The following PGAP1 variants were observed in gnomAD, a reference collection of about 807,000 sequenced individuals.
PGAP1 encodes post-GPI attachment to proteins inositol deacylase 1.
Under a neutral mutation model 127.0 loss-of-function variants are expected in PGAP1, and 76 were observed. The ratio of observed to expected loss-of-function variants is 0.60; its 90% CI spans 0.50 to 0.72. PGAP1 has a LOEUF of 0.72. Among genes scored for constraint, PGAP1 ranks in the 30% least tolerant of loss-of-function variants. The pLI is 0.00. For synonymous variants in PGAP1, 362 were observed against 366.5 expected (o/e 0.99, Z 0.14); for missense variants, 982 against 1,071.3 (o/e 0.92, Z 1.16).
Position 196,838,052 on chromosome 2 carries a change from A to G in PGAP1, c.*3182T>C, listed in dbSNP as rs902799283. 2 of 152,222 alleles carry G rather than the reference A, an allele frequency of 1.3e-5. No individual in the cohort carries two copies. Among genetic ancestry groups the G allele is most frequent in the Non-Finnish European group, 2.9e-5 (2 of 68,036 alleles). 9.4% of individuals were successfully genotyped at this position (152,222 alleles called of 1,614,324 possible). ...TTCTGGCATAAAAAAGATCCAGGAA[A>G]AAAAACAGTGTTAGCAATCTCTACC... is the stretch of plus-strand genomic sequence containing the variant. On this transcript the variant is annotated 3_prime_UTR_variant, in exon 27 of 27. Coordinates refer to ENST00000354764, the MANE Select transcript of PGAP1 (RefSeq NM_024989.4).
At chr2:196,854,802 G>A (rs1397733952) in intron 20 of PGAP1, among the ~76,000 whole-genome samples, 1 of 151,998 alleles carries the variant, frequency 6.6e-6, no homozygotes, top group Non-Finnish European at 1.5e-5. Context: ...TTTGAAGACA[G>A]GGTCTCACTC....
Position 196,838,825 on chromosome 2 carries a change from C to G in PGAP1, c.*2409G>C, listed in dbSNP as rs936661047. 9 of 152,218 alleles carry G rather than the reference C, an allele frequency of 5.9e-5. No homozygotes were observed. Among genetic ancestry groups the G allele is most frequent in the African/African-American group, 1.7e-4 (7 of 41,418 alleles). The allele number at this position is 152,218 out of a possible 1,614,324, so 9.4% of individuals were successfully genotyped here. ...TTTGGGGAGGCAGAGGCGGGCAAAT[C>G]ACGAGGTCAAGAGTTTGAGACCAGC... On this transcript the variant is annotated 3_prime_UTR_variant, in exon 27 of 27. Coordinates refer to ENST00000354764, the MANE Select transcript of PGAP1 (RefSeq NM_024989.4).
At chr2:196,872,353 C>A in intron 18 of PGAP1, 88 bp downstream of exon 18, 2 of 850,724 alleles carry the variant, frequency 2.4e-6, no homozygotes, top group Non-Finnish European at 3.6e-6. Flanking sequence ...GGCTTCCATG[C>A]CACCATATAT....
chr2:196,859,713 A>G (rs1371247833), intron 20 of PGAP1, among the ~76,000 whole-genome samples: 1 of 152,240 alleles, frequency 6.6e-6, no homozygotes, highest in Non-Finnish European at 1.5e-5. Flanking sequence ...AGTTCAATAT[A>G]TACAAATCAA....
intron 20 of PGAP1, 92 bp from the exon 21 acceptor site, chr2:196,848,129 T>C (rs1465015758): frequency 5.2e-6 from 4 of 765,710 alleles, no homozygotes; most frequent in Non-Finnish European, 8.0e-6. Flanking sequence ...ACATATTTTA[T>C]GTCAGAGAAA....
At chr2:196,851,417 T>C (rs1029176740) in intron 20 of PGAP1, among the ~76,000 whole-genome samples, 1 of 152,204 alleles carries the variant, frequency 6.6e-6, no homozygotes, top group African/African-American at 2.4e-5. Context: ...AGGATAATTA[T>C]TTCAAAACAA....
chr2:196,885,464 AC>A lies in PGAP1; in HGVS notation c.1231del (p.Val411LeufsTer16). ...CAGTTCAGCTTTCCATGATAAATCAACCCCTTGCAGGCTTTGAAATAAATAT... is the reference window on the plus strand; with the variant it reads ...CAGTTCAGCTTTCCATGATAAATCAACCCTTGCAGGCTTTGAAATAAATAT... ...INSTSMCLQGVDLSWKAELLP... is the reference protein window; with the variant it reads ...INSTSMCLQGXDLSWKAELLP... On this transcript the variant is annotated frameshift_variant, in exon 12 of 27. Transcript: ENST00000354764. LOFTEE classifies it high-confidence loss of function. 3 of 1,602,024 alleles carry A rather than the reference AC, an allele frequency of 1.9e-6. No homozygotes were observed. The highest frequency in any genetic ancestry group is 1.1e-5 in the South Asian group (1 of 88,606).
Position 196,882,684 on chromosome 2 carries a change from A to AT in PGAP1, c.1273-2532dup, listed in dbSNP as rs1481497008. ...GTTGGTGTCAATAGGAATGTTAGTT[A>AT]TTTTTGCACATTGATTTTGTATCAT... is the stretch of plus-strand genomic sequence containing the variant. On this transcript the variant is annotated intron_variant, in intron 12 of 26. Coordinates refer to ENST00000354764, the MANE Select transcript of PGAP1 (RefSeq NM_024989.4). Among the ~76,000 whole-genome samples, 2 of 152,064 alleles carry AT rather than the reference A, an allele frequency of 1.3e-5. 1 individual carries two copies. The highest frequency in any genetic ancestry group is 4.8e-5 in the African/African-American group (2 of 41,398).
At chr2:196,921,188 TAA>T (rs34282392) in intron 1 of PGAP1, among the ~76,000 whole-genome samples, 1,682 of 144,394 alleles carry the variant, frequency 0.012, 22 homozygotes, top group African/African-American at 0.036. Flanking sequence ...CTCGTTGTTC[TAA>T]AAAAAAAAAA....
intron 10 of PGAP1, among the ~76,000 whole-genome samples, chr2:196,886,643 T>C (rs1242367151): frequency 1.3e-5 from 2 of 152,136 alleles, no homozygotes; most frequent in Non-Finnish European, 2.9e-5. Flanking sequence ...CAATTAAAAA[T>C]AATTTATATA....
intron 17 of PGAP1, 96 bp downstream of exon 17, chr2:196,872,864 G>T: frequency 1.6e-6 from 1 of 621,030 alleles, no homozygotes; most frequent in Non-Finnish European, 2.9e-6. Context: ...TTTTACTGAT[G>T]CATTTTAATA....
chr2:196,916,679 T>C, intron 2 of PGAP1, 86 bp from the exon 3 acceptor site: 1 of 1,285,238 alleles, frequency 7.8e-7, no homozygotes, highest in South Asian at 1.9e-5. Context: ...GTAAATAACC[T>C]TATCCTGCAT....
In PGAP1 at chr2:196,897,216, G is replaced by A. The variant is rs1702309630; in HGVS notation, c.861-19C>T. The A allele has an allele frequency of 6.8e-7, 1 of 1,476,362 alleles. No individual in the cohort carries two copies. Among genetic ancestry groups the A allele is most frequent in the Non-Finnish European group, 9.2e-7 (1 of 1,082,568 alleles). The allele number at this position is 1,476,362 out of a possible 1,614,324, so 91.5% of individuals were successfully genotyped here. The stretch of plus-strand genomic sequence containing the variant: ...TTTACACCTAAGGAATAAAGTAAGT[G>A]TTACAAATAAAACTTTCTTAAAACA... On this transcript the variant is annotated intron_variant, in intron 6 of 26. Transcript: ENST00000354764.
At chr2:196,921,545 C>T (rs1703192685) in intron 1 of PGAP1, among the ~76,000 whole-genome samples, 1 of 152,002 alleles carries the variant, frequency 6.6e-6, no homozygotes, top group South Asian at 2.1e-4. Flanking sequence ...CCTATTTCCT[C>T]CCAATTTAGT....
intron 14 of PGAP1, among the ~76,000 whole-genome samples, chr2:196,874,611 A>T (rs1443447226): frequency 1.3e-5 from 2 of 152,236 alleles, no homozygotes; most frequent in Admixed American, 1.3e-4. Context: ...AAATTAACAT[A>T]ACTAGTAATT....
At position 196,847,109 on chromosome 2, in the gene PGAP1, T is replaced by C. The variant is rs762232340; in HGVS notation, c.2044A>G (p.Ile682Val). 1.4e-5 allele frequency: 23 copies of C among 1,613,328 alleles called. No homozygotes were observed. The Middle Eastern group carries it at 6.6e-4, about 46-fold the overall frequency. ...CCAAACAGAAAGAGAATCAAGGATATCAGGGGGAAACACATACTCTGACAA... is the reference window on the plus strand; with the variant it reads ...CCAAACAGAAAGAGAATCAAGGATACCAGGGGGAAACACATACTCTGACAA... Reference protein sequence around the residue: ...LTCQSMCFPLISLILFLFGTC... With the variant: ...LTCQSMCFPLVSLILFLFGTC... The change falls in exon 22 of 27, where the codon ATA becomes GTA. Residue 682 changes from isoleucine to valine, a missense_variant. Ile to Val is a conservative substitution (Grantham distance 29). Transcript: ENST00000354764.
chr2:196,906,099 A>G (rs1266544091), intron 4 of PGAP1, among the ~76,000 whole-genome samples: 1 of 33,912 alleles, frequency 2.9e-5, no homozygotes, highest in East Asian at 5.1e-4. Context: ...GGAGCCCACC[A>G]CAGCTCAAGG....
intron 1 of PGAP1, among the ~76,000 whole-genome samples, chr2:196,920,472 G>A (rs547096503): frequency 2.6e-5 from 4 of 152,106 alleles, no homozygotes; most frequent in Non-Finnish European, 2.9e-5. Flanking sequence ...CAAGTTACAT[G>A]TTAACATAAT....
chr2:196,898,455 A>G, intron 5 of PGAP1, 86 bp from the exon 6 acceptor site: 1 of 875,454 alleles, frequency 1.1e-6, no homozygotes, highest in East Asian at 2.5e-5. Context: ...TAATATTTAG[A>G]AACACATAAT....
Sources: gnomAD v4.1 joint callset for allele counts (sites outside exome capture counted in the v4.1 genomes callset) on GRCh38, gnomAD v4.1.1 for gene constraint, MANE v1.5 for transcripts, NCBI Gene and HGNC (gene_info 2026-07-23, HGNC 2026-07-21) for gene names.